The following CWH43 variants were observed in gnomAD, a reference collection of about 807,000 sequenced individuals.
CWH43 encodes PGAP2-interacting protein.
In CWH43, 91 loss-of-function variants were observed where a neutral mutation model predicts 85.7. That is an observed-to-expected ratio of 1.06 (90% CI 0.90 to 1.26). The LOEUF (loss-of-function observed/expected upper bound fraction) is 1.26, where lower values mean the gene tolerates loss of function less well. CWH43 is among the 50% of genes most tolerant of loss of function. The probability of loss-of-function intolerance (pLI) is 0.00; values close to 1 mark genes in which losing one functional copy is unlikely to be tolerated. For synonymous variants in CWH43, 323 were observed against 293.6 expected, an observed-to-expected ratio of 1.10 and a Z score of -1.02; for missense variants, 869 against 839.2, an observed-to-expected ratio of 1.04 and a Z score of -0.44.
intron 15 of CWH43, among the ~76,000 whole-genome samples, chr4:49,054,619 T>G (rs1784896568): frequency 6.6e-6 from 1 of 152,196 alleles, no homozygotes; most frequent in Admixed American, 6.5e-5. Flanking sequence ...TTTAACAATA[T>G]TGATTATTCC....
chr4:49,011,447 C>T (rs538856474), intron 8 of CWH43, among the ~76,000 whole-genome samples: 4 of 151,902 alleles, frequency 2.6e-5, no homozygotes, highest in Non-Finnish European at 5.9e-5. Context: ...TGTGTCTGGG[C>T]ATTTAGCCCA....
chr4:49,022,826 T>G (rs1013603855), intron 9 of CWH43, among the ~76,000 whole-genome samples: 2 of 152,208 alleles, frequency 1.3e-5, no homozygotes, highest in South Asian at 4.1e-4. Flanking sequence ...TTTTCTAGTT[T>G]ATGTATATAA....
chr4:48,999,938 T>A (rs1298909543), intron 6 of CWH43, among the ~76,000 whole-genome samples: 2 of 152,114 alleles, frequency 1.3e-5, no homozygotes, highest in Non-Finnish European at 2.9e-5. Context: ...TCTCCCCTAG[T>A]CTTTGTGAAG....
chr4:49,040,071 GA>G (rs1784408955), intron 13 of CWH43, among the ~76,000 whole-genome samples: 1 of 152,130 alleles, frequency 6.6e-6, no homozygotes, highest in Non-Finnish European at 1.5e-5. Context: ...CAAAGGACAT[GA>G]ATTCATCATT....
At chr4:49,007,031 C>A (rs1476295102) in intron 7 of CWH43, 170 bp from the exon 8 acceptor site, 16 of 630,148 alleles carry the variant, frequency 2.5e-5, no homozygotes, top group Non-Finnish European at 3.8e-5. Flanking sequence ...CTGATATTTT[C>A]CAGTTATCAA....
intron 8 of CWH43, 87 bp downstream of exon 8, chr4:49,007,413 A>G: frequency 7.6e-7 from 1 of 1,317,520 alleles, no homozygotes; most frequent in South Asian, 2.1e-5. Flanking sequence ...TCCCTCATGT[A>G]TCCTTCATCC....
chr4:49,020,833 G>GT (rs1187248477), intron 9 of CWH43, among the ~76,000 whole-genome samples: 1 of 151,948 alleles, frequency 6.6e-6, no homozygotes, highest in African/African-American at 2.4e-5. Context: ...TTTTCCATAT[G>GT]TTTTTTGGCC....
intron 13 of CWH43, among the ~76,000 whole-genome samples, chr4:49,043,380 A>G (rs1784527182): frequency 6.6e-6 from 1 of 152,170 alleles, no homozygotes; most frequent in African/African-American, 2.4e-5. Flanking sequence ...GCATTCTTAT[A>G]TGGTGTGTGT....
intron 5 of CWH43, among the ~76,000 whole-genome samples, chr4:48,995,488 C>A (rs1222806449): frequency 6.6e-6 from 1 of 152,206 alleles, no homozygotes; most frequent in Admixed American, 6.5e-5. Context: ...GATCTGCCTC[C>A]GATATCTTTT....
rs1456747900 is a variant in CWH43 at position 49,016,875 on chromosome 4, C to T, written c.1187-374C>T. 7.7e-6 allele frequency: 6 copies of T among 784,256 alleles called. No homozygotes were observed. The African/African-American group carries it at 1.0e-4, about 13-fold the overall frequency. 48.6% of individuals were successfully genotyped at this position (784,256 alleles called of 1,614,324 possible). A position where few individuals can be genotyped will look rare whatever the true frequency, so the allele number is the denominator to read the frequency against. ...AAAGACATGCCTTCTCTCCGAGTGC[C>T]CCAGGACTACCCACGTAGCTCTGCA... On this transcript the variant is annotated intron_variant, in intron 8 of 15. Coordinates refer to ENST00000226432, the MANE Select transcript of CWH43 (RefSeq NM_025087.3).
chr4:49,037,897 T>C, intron 12 of CWH43, 139 bp from the exon 13 acceptor site: 2 of 652,746 alleles, frequency 3.1e-6, no homozygotes, highest in South Asian at 2.3e-5. Flanking sequence ...ATTTGTATAA[T>C]GTTAAGACAG....
chr4:49,011,508 G>A (rs1454421615), intron 8 of CWH43, among the ~76,000 whole-genome samples: 1 of 152,160 alleles, frequency 6.6e-6, no homozygotes, highest in Non-Finnish European at 1.5e-5. Flanking sequence ...CTATCATTAT[G>A]ATGTTAGCTG....
At position 49,047,241 on chromosome 4, in the gene CWH43, G is replaced by A. The variant is rs536689534; in HGVS notation, c.1865+2394G>A. Among the ~76,000 whole-genome samples the A allele has an allele frequency of 2.6e-4, 39 of 152,304 alleles. No homozygotes were observed. The East Asian group carries it at 7.3e-3, about 29-fold the overall frequency. On this transcript the variant is annotated intron_variant, in intron 14 of 15. Transcript: ENST00000226432. ...GGTTATGAATTATAGTCCAGTGAAA[G>A]CAAATTGTTAGTTTCTCTTGCTCTA...
At chr4:49,025,951 A>G (rs1399733881) in intron 9 of CWH43, among the ~76,000 whole-genome samples, 1 of 152,070 alleles carries the variant, frequency 6.6e-6, no homozygotes, top group Admixed American at 6.5e-5. Context: ...CAGGGCCAGT[A>G]GAGAAAGACC....
chr4:49,025,883 C>A (rs768742221), intron 9 of CWH43, among the ~76,000 whole-genome samples: 7 of 152,072 alleles, frequency 4.6e-5, no homozygotes, highest in Non-Finnish European at 1.0e-4. Context: ...TAGGCAGGAT[C>A]AGGTGGTGGG....
chr4:49,040,081 T>A (rs994552796), intron 13 of CWH43, among the ~76,000 whole-genome samples: 3 of 152,206 alleles, frequency 2.0e-5, no homozygotes, highest in Non-Finnish European at 4.4e-5. Flanking sequence ...GAATTCATCA[T>A]TTTTTATGGC....
chr4:48,991,889 C>G (rs1484136495), intron 3 of CWH43, 47 bp from the exon 4 acceptor site: 1 of 1,486,290 alleles, frequency 6.7e-7, no homozygotes, highest in South Asian at 1.2e-5. Flanking sequence ...GGACATAGTA[C>G]ATTGAGTCCA....
rs2061857516 is a variant in CWH43 at position 49,028,730 on chromosome 4, A to AACAGGT, written c.1370_1372+3dup. On this transcript the variant is annotated inframe_insertion, in exon 10 of 16. Coordinates refer to ENST00000226432, the MANE Select transcript of CWH43 (RefSeq NM_025087.3). ...AAAGATCAGCTCACCTGCTCAATGA[A>AACAGGT]ACAGGTAAGTCTTCCTGGAATTAGT... 6.3e-7 allele frequency: 1 copy of AACAGGT among 1,591,410 alleles called. No individual in the cohort carries two copies. The highest frequency in any genetic ancestry group is 8.6e-7 in the Non-Finnish European group (1 of 1,160,980).
At chr4:49,040,439 TA>T (rs1311908365) in intron 13 of CWH43, among the ~76,000 whole-genome samples, 2 of 152,232 alleles carry the variant, frequency 1.3e-5, no homozygotes, top group Admixed American at 6.5e-5. Flanking sequence ...ATAGCCATTC[TA>T]ACTGGTGTGA....
Sources: allele counts gnomAD v4.1 joint callset (sites outside exome capture counted in the v4.1 genomes callset), GRCh38; gene constraint gnomAD v4.1.1; transcripts MANE v1.5; gene names NCBI Gene and HGNC (gene_info 2026-07-23, HGNC 2026-07-21).